The following ME1 variants were observed in gnomAD, a reference collection of about 807,000 sequenced individuals.
The protein encoded by ME1 is malic enzyme 1, also known as NADP-dependent malic enzyme.
Under a neutral mutation model 66.4 loss-of-function variants are expected in ME1, and 74 were observed. That is an observed-to-expected ratio of 1.11 (90% CI 0.92 to 1.35). ME1 has a LOEUF of 1.35. Among genes scored for constraint, ME1 ranks in the 40% most tolerant of loss-of-function variants. ME1 has a pLI of 0.00. For synonymous variants in ME1, 251 were observed against 235.6 expected, an observed-to-expected ratio of 1.07 and a Z score of -0.60; for missense variants, 750 against 694.1, an observed-to-expected ratio of 1.08 and a Z score of -0.90.
At chr6:83,253,595 G>A (rs1358665276) in intron 7 of ME1, 34 bp downstream of exon 7, 1 of 1,011,592 alleles carries the variant, frequency 9.9e-7, no homozygotes, top group Non-Finnish European at 1.6e-6. Context: ...TTTCAGACAT[G>A]TTATTGATCC....
At position 83,362,588 on chromosome 6, in the gene ME1, G is replaced by T. The variant is rs916414111; in HGVS notation, c.363-10449C>A. 4.6e-5 allele frequency among the ~76,000 whole-genome samples: 7 copies of T among 152,290 alleles called. 1 individual carries two copies. Among genetic ancestry groups the T allele is most frequent in the Admixed American group, 3.9e-4 (6 of 15,306 alleles). ...ATGGCCACTGCTAAGCGCCCAATTT[G>T]CCAGCAGCAGAGACCAACACTGAGC... On this transcript the variant is annotated intron_variant, in intron 3 of 13. Coordinates refer to ENST00000369705, the MANE Select transcript of ME1 (RefSeq NM_002395.6).
rs1384634146 is a variant in ME1, at chr6:83,211,293, G to GATGTAACAATA, written c.*630_*631insTATTGTTACAT. 3 of 152,700 alleles carry GATGTAACAATA rather than the reference G, an allele frequency of 2.0e-5. No individual in the cohort carries two copies. Among genetic ancestry groups the GATGTAACAATA allele is most frequent in the African/African-American group, 7.2e-5 (3 of 41,548 alleles). The allele number at this position is 152,700 out of a possible 1,614,324, so 9.5% of individuals were successfully genotyped here. A position where few individuals can be genotyped will look rare whatever the true frequency, so the allele number is the denominator to read the frequency against. ...CTGACTCAGGATCAAGGTAATAAGA[G>GATGTAACAATA]CTTTACTCTATGAGATGTAACAATG... On this transcript the variant is annotated 3_prime_UTR_variant, in exon 14 of 14. Transcript: ENST00000369705.
chr6:83,351,809 T>G (rs1440809226), intron 4 of ME1, among the ~76,000 whole-genome samples: 1 of 152,100 alleles, frequency 6.6e-6, no homozygotes, highest in Non-Finnish European at 1.5e-5. Context: ...CTATCACATA[T>G]TCAACATTTA....
chr6:83,361,934 C>A (rs1021988347), intron 3 of ME1, among the ~76,000 whole-genome samples: 6 of 152,162 alleles, frequency 3.9e-5, no homozygotes, highest in Non-Finnish European at 8.8e-5. Flanking sequence ...CTCCTGCCAC[C>A]CTGACTTCTC....
At chr6:83,232,952 T>C (rs1790332133) in intron 9 of ME1, among the ~76,000 whole-genome samples, 1 of 152,126 alleles carries the variant, frequency 6.6e-6, no homozygotes, top group African/African-American at 2.4e-5. Context: ...AAAAACGAAA[T>C]TCAAACCAGT....
Position 83,398,517 on chromosome 6 carries a change from C to G in ME1, c.213-1G>C. ...TTGGAGATCCATTAAGAGAAGATAC[C>G]TGTAAAAATTGGACATAATTAGATC... is the stretch of plus-strand genomic sequence containing the variant. On this transcript the variant is annotated splice_acceptor_variant, in intron 2 of 13. Coordinates refer to ENST00000369705, the MANE Select transcript of ME1 (RefSeq NM_002395.6). LOFTEE classifies it high-confidence loss of function. The G allele has an allele frequency of 6.6e-7, 1 of 1,508,934 alleles. No homozygotes were observed. The highest frequency in any genetic ancestry group is 2.4e-5 in the East Asian group (1 of 41,776). The allele number at this position is 1,508,934 out of a possible 1,614,324, so 93.5% of individuals were successfully genotyped here.
chr6:83,370,980 A>C (rs1265054885), intron 3 of ME1, among the ~76,000 whole-genome samples: 1 of 152,124 alleles, frequency 6.6e-6, no homozygotes, highest in African/African-American at 2.4e-5. Context: ...TTACCTCTAA[A>C]CATATAACAC....
intron 6 of ME1, among the ~76,000 whole-genome samples, chr6:83,258,709 C>T (rs567217920): frequency 1.3e-5 from 2 of 152,140 alleles, no homozygotes; most frequent in South Asian, 2.1e-4. Flanking sequence ...TGTCAGCAAC[C>T]CAGTGAAGAA....
Position 83,211,971 on chromosome 6 carries a change from A to G in ME1, c.1672T>C (p.Ser558Pro). 1.9e-6 allele frequency: 3 copies of G among 1,609,294 alleles called. No homozygotes were observed. The highest frequency in any genetic ancestry group is 2.5e-6 in the Non-Finnish European group (3 of 1,177,302). Residue 558 changes from serine to proline, a missense_variant, in exon 14 of 14, where the codon TCT becomes CCT. Transcript: ENST00000369705. ...DYDQILPDCY[S>P]WPEEVQKIQT... is the part of the protein sequence containing the mutation. ...ATTTTCTGCACCTCTTCAGGCCAAG[A>G]ATAACAATCAGGTAGAATCTGGTCA...
At chr6:83,319,472 TA>T (rs924765962) in intron 5 of ME1, among the ~76,000 whole-genome samples, 132 of 152,238 alleles carry the variant, frequency 8.7e-4, no homozygotes, top group African/African-American at 3.1e-3. Flanking sequence ...TATAATCTGA[TA>T]ACAGAGAAGG....
At chr6:83,278,158 A>G (rs1395704455) in intron 6 of ME1, among the ~76,000 whole-genome samples, 4 of 152,136 alleles carry the variant, frequency 2.6e-5, no homozygotes, top group African/African-American at 9.7e-5. Context: ...ACAGGCAAAT[A>G]CAGAGAATCA....
At chr6:83,232,768 G>A (rs1010650269) in intron 9 of ME1, among the ~76,000 whole-genome samples, 25 of 152,060 alleles carry the variant, frequency 1.6e-4, no homozygotes, top group African/African-American at 4.6e-4. Context: ...TCAAGCCCTC[G>A]ACCTAGAGAT....
rs1314794019 is a variant in ME1 at position 83,346,258 on chromosome 6, C to T, written c.515G>A (p.Gly172Asp). ...GCAAGCTGTATATAGAGCCAATTTA[C>T]CCACAGGGATGCCCATTCCATTACA... Reference protein sequence around the residue: ...LGCNGMGIPVGKLALYTACGG... With the variant: ...LGCNGMGIPVDKLALYTACGG... The change falls in exon 5 of 14, where the codon GGT becomes GAT. Residue 172 changes from glycine (G) to aspartate (D), a missense_variant. Physicochemically the swap from Gly to Asp is moderately conservative, Grantham distance 94 (BLOSUM62 -1). Transcript: ENST00000369705. 1.2e-6 allele frequency: 2 copies of T among 1,613,502 alleles called. No individual in the cohort carries two copies. Among genetic ancestry groups the T allele is most frequent in the Non-Finnish European group, 1.7e-6 (2 of 1,179,582 alleles).
At chr6:83,392,314 G>T in intron 3 of ME1, 1 of 515,726 alleles carries the variant, frequency 1.9e-6, no homozygotes, top group Admixed American at 2.0e-5. Flanking sequence ...CTGTCTACAT[G>T]TTCCAGTATA....
chr6:83,398,449 T>A lies in ME1; in HGVS notation c.280A>T (p.Ile94Phe). 2 of 1,592,246 alleles carry A rather than the reference T, an allele frequency of 1.3e-6. No individual in the cohort carries two copies. The highest frequency in any genetic ancestry group is 1.7e-6 in the Non-Finnish European group (2 of 1,163,906). Reference protein sequence around the residue: ...KLFYRVLTSDIEKFMPIVYTP... With the variant: ...KLFYRVLTSDFEKFMPIVYTP... The stretch of plus-strand genomic sequence containing the variant: ...TAAACAATAGGCATGAATTTCTCAA[T>A]GTCAGATGTCAGCACTCTATAAAAG... The change falls in exon 3 of 14, where the codon ATT (isoleucine) becomes TTT (phenylalanine). Residue 94 changes from isoleucine (I) to phenylalanine (F), a missense_variant. Coordinates refer to ENST00000369705, the MANE Select transcript of ME1 (RefSeq NM_002395.6).
At chr6:83,267,195 C>T (rs1431765252) in intron 6 of ME1, among the ~76,000 whole-genome samples, 1 of 151,988 alleles carries the variant, frequency 6.6e-6, no homozygotes, top group Non-Finnish European at 1.5e-5. Flanking sequence ...TATAAAACAA[C>T]ACAAGAAATT....
At chr6:83,414,309 C>T (rs1770117801) in intron 1 of ME1, among the ~76,000 whole-genome samples, 1 of 151,866 alleles carries the variant, frequency 6.6e-6, no homozygotes, top group African/African-American at 2.4e-5. Context: ...CTTTAAAGGA[C>T]AGAAAACCAA....
chr6:83,254,860 A>G (rs1034320741), intron 6 of ME1, among the ~76,000 whole-genome samples: 1 of 152,134 alleles, frequency 6.6e-6, no homozygotes, highest in Non-Finnish European at 1.5e-5. Context: ...AATCAAAGCT[A>G]TAGTTACTTA....
intron 2 of ME1, among the ~76,000 whole-genome samples, chr6:83,405,722 G>T (rs12192647): frequency 0.27 from 33,381 of 125,772 alleles, 4,948 homozygotes; most frequent in Middle Eastern, 0.36. Flanking sequence ...TGTTGTTGTT[G>T]TTTTTTTTTT....
Sources: gnomAD v4.1 joint callset for allele counts (sites outside exome capture counted in the v4.1 genomes callset) on GRCh38, gnomAD v4.1.1 for gene constraint, MANE v1.5 for transcripts, NCBI Gene and HGNC (gene_info 2026-07-23, HGNC 2026-07-21) for gene names.